TANC2: variants seen among roughly 807,000 people sequenced by gnomAD.
The protein encoded by TANC2 is tetratricopeptide repeat, ankyrin repeat and coiled-coil containing 2, also known as protein TANC2.
A neutral mutation model predicts 210.5 loss-of-function variants in TANC2; 26 were observed. The observed-to-expected ratio is 0.12, with a 90% CI of 0.09 to 0.17. The LOEUF (loss-of-function observed/expected upper bound fraction) is 0.17, where lower values mean the gene tolerates loss of function less well. Among genes scored for constraint, TANC2 ranks in the 10% least tolerant of loss-of-function variants. The probability of loss-of-function intolerance (pLI) is 1.00; values close to 1 mark genes in which losing one functional copy is unlikely to be tolerated. For synonymous variants in TANC2, 931 were observed against 967.1 expected, an observed-to-expected ratio of 0.96 and a Z score of 0.69; for missense variants, 2,129 against 2,608.9, an observed-to-expected ratio of 0.82 and a Z score of 4.01.
At chr17:63,030,905 A>C (rs1424380151) in intron 2 of TANC2, among the ~76,000 whole-genome samples, 1 of 152,092 alleles carries the variant, frequency 6.6e-6, no homozygotes, top group African/African-American at 2.4e-5. Context: ...TTTGCCTAAG[A>C]TAGGAAAGAC....
At chr17:63,102,856 T>C (rs950834879) in intron 4 of TANC2, among the ~76,000 whole-genome samples, 1 of 152,188 alleles carries the variant, frequency 6.6e-6, no homozygotes, top group Admixed American at 6.5e-5. Flanking sequence ...TGAAAATATT[T>C]TTCTTAAAAA....
At chr17:63,115,438 A>G (rs2038215313) in intron 4 of TANC2, among the ~76,000 whole-genome samples, 1 of 152,198 alleles carries the variant, frequency 6.6e-6, no homozygotes, top group African/African-American at 2.4e-5. Context: ...GAAGACATTT[A>G]TAAGTCATGT....
intron 11 of TANC2, among the ~76,000 whole-genome samples, chr17:63,330,093 G>A (rs2045785445): frequency 6.6e-6 from 1 of 152,130 alleles, no homozygotes; most frequent in Admixed American, 6.5e-5. Context: ...AAATTTTAGT[G>A]GTCTAGTTAG....
intron 14 of TANC2, among the ~76,000 whole-genome samples, chr17:63,366,686 TTTTCC>T (rs2047120065): frequency 6.6e-6 from 1 of 152,218 alleles, no homozygotes; most frequent in Non-Finnish European, 1.5e-5. Context: ...AAAATAATGC[TTTTCC>T]ACTCATTTCT....
chr17:63,054,283 C>A (rs528997021), intron 2 of TANC2, among the ~76,000 whole-genome samples: 6 of 152,190 alleles, frequency 3.9e-5, no homozygotes, highest in Admixed American at 6.5e-5. Context: ...AGCTGCTCTT[C>A]ATTTCTTCTG....
chr17:63,127,677 A>G (rs982965768), intron 4 of TANC2, among the ~76,000 whole-genome samples: 3 of 152,174 alleles, frequency 2.0e-5, no homozygotes, highest in Non-Finnish European at 2.9e-5. Flanking sequence ...AGGATTTTAT[A>G]CTCTGCTTTA....
chr17:63,265,629 G>A (rs2043502131), intron 8 of TANC2, among the ~76,000 whole-genome samples: 1 of 152,138 alleles, frequency 6.6e-6, no homozygotes, highest in Admixed American at 6.5e-5. Context: ...AGTAAAATTA[G>A]GGGAATAGTT....
At position 63,220,703 on chromosome 17, in the gene TANC2, C is replaced by CAAA. The variant is rs373846699; in HGVS notation, c.770-17096_770-17094dup. Among the ~76,000 whole-genome samples the CAAA allele has an allele frequency of 2.6e-3, 241 of 91,948 alleles. 2 individuals are homozygous for CAAA. Among genetic ancestry groups the CAAA allele is most frequent in the African/African-American group, 9.7e-3 (216 of 22,220 alleles). The allele number at this position is 91,948 out of a possible 152,430, so 60.3% of individuals were successfully genotyped here. ...TGGGCAACAGAGCAAGAATCAGTCTCAAAAAAAAAAAAAAAAATATATATA... is the reference window on the plus strand; with the variant it reads ...TGGGCAACAGAGCAAGAATCAGTCTCAAAAAAAAAAAAAAAAAAAATATATATA... On this transcript the variant is annotated intron_variant, in intron 7 of 27. Coordinates refer to ENST00000689528, the Ensembl canonical transcript of TANC2.
At chr17:63,237,695 T>TAA in intron 7 of TANC2, 119 bp from the exon 8 acceptor site, 1 of 1,049,168 alleles carries the variant, frequency 9.5e-7, no homozygotes, top group Non-Finnish European at 1.3e-6. Flanking sequence ...CCAGTTTTTC[T>TAA]AGCACCATTT....
At chr17:63,276,304 C>T (rs1171045677) in intron 9 of TANC2, among the ~76,000 whole-genome samples, 1 of 151,996 alleles carries the variant, frequency 6.6e-6, no homozygotes, top group East Asian at 1.9e-4. Flanking sequence ...TGTTGTATAT[C>T]ACCTTAAAAG....
chr17:63,177,400 G>C (rs917961161), intron 5 of TANC2, among the ~76,000 whole-genome samples: 2 of 151,300 alleles, frequency 1.3e-5, no homozygotes, highest in Non-Finnish European at 2.9e-5. Flanking sequence ...TCTGGAATAA[G>C]ATAGCAACTA....
At chr17:63,363,232 T>G (rs983662327) in intron 14 of TANC2, among the ~76,000 whole-genome samples, 6 of 152,222 alleles carry the variant, frequency 3.9e-5, no homozygotes, top group Non-Finnish European at 5.9e-5. Flanking sequence ...TAGAGTTGTT[T>G]GAGCTCTTTA....
chr17:62,972,816 A>G (rs2031778474), intron 1 of TANC2, among the ~76,000 whole-genome samples: 1 of 152,058 alleles, frequency 6.6e-6, no homozygotes, highest in Non-Finnish European at 1.5e-5. Flanking sequence ...AGTATGTAGT[A>G]TTCTCCTACC....
At chr17:63,327,279 G>A (rs193198716) in intron 11 of TANC2, among the ~76,000 whole-genome samples, 1 of 152,322 alleles carries the variant, frequency 6.6e-6, no homozygotes, top group Non-Finnish European at 1.5e-5. Flanking sequence ...TGGTGGGAAT[G>A]TAAATTAGTA....
chr17:62,981,241 C>G (rs2032283734), intron 1 of TANC2, among the ~76,000 whole-genome samples: 1 of 152,142 alleles, frequency 6.6e-6, no homozygotes, highest in African/African-American at 2.4e-5. Context: ...ACCTTGCTTT[C>G]TGTTTCATTA....
chr17:63,209,259 C>T (rs1456108011), intron 7 of TANC2, among the ~76,000 whole-genome samples: 2 of 152,014 alleles, frequency 1.3e-5, no homozygotes, highest in East Asian at 1.9e-4. Context: ...GCAGTCCGCC[C>T]GCCTCAGCCT....
chr17:63,422,498 G>A (rs1287280644), exon 28 of TANC2: 1 of 154,390 alleles, frequency 6.5e-6, no homozygotes, highest in Non-Finnish European at 1.4e-5. Flanking sequence ...GTGTGCATTA[G>A]GATTATTGCT....
intron 6 of TANC2, 22 bp downstream of exon 6, chr17:63,194,161 T>C (rs1324830360): frequency 6.2e-7 from 1 of 1,606,458 alleles, no homozygotes; most frequent in Non-Finnish European, 8.5e-7. Flanking sequence ...GCTATCACCT[T>C]TGTGAAACAT....
At chr17:63,233,904 T>C (rs538480627) in intron 7 of TANC2, among the ~76,000 whole-genome samples, 30 of 152,346 alleles carry the variant, frequency 2.0e-4, no homozygotes, top group South Asian at 1.9e-3. Flanking sequence ...CAAGTCTGGG[T>C]TAGATTTCTG....
Sources: allele counts gnomAD v4.1 joint callset (sites outside exome capture counted in the v4.1 genomes callset), GRCh38; gene constraint gnomAD v4.1.1; transcripts MANE v1.5; gene names NCBI Gene and HGNC (gene_info 2026-07-23, HGNC 2026-07-21).